ACOT13: variants seen among roughly 807,000 people sequenced by gnomAD.
ACOT13 encodes the protein acyl-coenzyme A thioesterase 13.
A neutral mutation model predicts 11.8 loss-of-function variants in ACOT13; 10 were observed. The observed-to-expected ratio is 0.85, with a 90% CI of 0.53 to 1.44. The LOEUF is 1.44. ACOT13 is among the 40% of genes most tolerant of loss of function. The pLI is 0.00. For synonymous variants in ACOT13, 53 were observed against 61.0 expected (o/e 0.87, Z 0.61); for missense variants, 172 against 174.1 (o/e 0.99, Z 0.07).
intron 2 of ACOT13, among the ~76,000 whole-genome samples, chr6:24,699,128 CA>C (rs1778848562): frequency 6.6e-6 from 1 of 150,680 alleles, no homozygotes; most frequent in Non-Finnish European, 1.5e-5. Flanking sequence ...TCCACCTAAG[CA>C]ACAAAAATGT....
chr6:24,693,978 C>A (rs1778757210), intron 1 of ACOT13, among the ~76,000 whole-genome samples: 1 of 152,126 alleles, frequency 6.6e-6, no homozygotes, highest in African/African-American at 2.4e-5. Context: ...CCTGCCTCGG[C>A]CTCCCAAAGT....
chr6:24,674,338 G>A (rs1167105886), intron 1 of ACOT13, among the ~76,000 whole-genome samples: 1 of 152,150 alleles, frequency 6.6e-6, no homozygotes, highest in Non-Finnish European at 1.5e-5. Flanking sequence ...TTGCAGGCAT[G>A]AGCCGCTGCC....
intron 1 of ACOT13, chr6:24,687,709 T>TTA (rs1189022506): frequency 1.5e-6 from 2 of 1,343,526 alleles, no homozygotes; most frequent in East Asian, 5.6e-5. Context: ...AATAGAATTT[T>TTA]TTTTTTTTTT....
rs1414720162 is a variant in ACOT13, at chr6:24,698,053, C to T, written c.252C>T (p.Val84=). 3 of 1,607,414 alleles carry T rather than the reference C, an allele frequency of 1.9e-6. No homozygotes were observed. The highest frequency in any genetic ancestry group is 1.3e-5 in the African/African-American group (1 of 74,768). The change falls in exon 2 of 3, where the codon GTC becomes GTT. Residue 84 remains valine, a synonymous_variant. Coordinates refer to ENST00000230048, the MANE Select transcript of ACOT13 (RefSeq NM_018473.4). ...CTERGAPGVS[V]DMNITYMSPA... ...AAAGGGGAGCACCCGGAGTCAGTGT[C>T]GATATGAACATAACGTATGTATCCA...
Position 24,686,497 on chromosome 6 carries a change from G to A in ACOT13, c.82-11386G>A, listed in dbSNP as rs189693889. On this transcript the variant is annotated intron_variant, in intron 1 of 2. Transcript: ENST00000230048. Reference sequence around the variant, plus strand: ...ATGTCTGAAAGCAAAGTGCAAGCAGGTGCGTCAAATGGCAAGAGAGAGGGA... The same window carrying A: ...ATGTCTGAAAGCAAAGTGCAAGCAGATGCGTCAAATGGCAAGAGAGAGGGA... Among the ~76,000 whole-genome samples, 26 of 152,132 alleles carry A rather than the reference G, an allele frequency of 1.7e-4. No individual in the cohort carries two copies. The East Asian group carries it at 4.1e-3, about 24-fold the overall frequency.
At chr6:24,698,171 C>A in intron 2 of ACOT13, 104 bp downstream of exon 2, 1 of 1,013,124 alleles carries the variant, frequency 9.9e-7, no homozygotes, top group Non-Finnish European at 1.4e-6. Context: ...ATTCAATTAG[C>A]TGCTTATCTC....
At chr6:24,684,568 C>T (rs1555088) in intron 1 of ACOT13, among the ~76,000 whole-genome samples, 116,605 of 152,082 alleles carry the variant, frequency 0.77, 45,440 homozygotes, top group African/African-American at 0.9. Context: ...TGCAGTACGG[C>T]TGAAGTGTCC....
intron 1 of ACOT13, among the ~76,000 whole-genome samples, chr6:24,697,359 C>T (rs1402381955): frequency 6.6e-6 from 1 of 151,608 alleles, no homozygotes; most frequent in Non-Finnish European, 1.5e-5. Flanking sequence ...ACAAATTAAA[C>T]CTATAATGAG....
intron 1 of ACOT13, among the ~76,000 whole-genome samples, chr6:24,673,994 C>G (rs929908082): frequency 3.3e-5 from 5 of 150,986 alleles, no homozygotes; most frequent in Non-Finnish European, 7.4e-5. Context: ...CAACATCTCT[C>G]TTATTTCCTG....
intron 1 of ACOT13, among the ~76,000 whole-genome samples, chr6:24,677,033 G>C (rs940399967): frequency 1.3e-4 from 20 of 152,206 alleles, no homozygotes; most frequent in African/African-American, 3.9e-4. Context: ...TGCATGCTGA[G>C]CACTAGTTCC....
At position 24,667,097 on chromosome 6, in the gene ACOT13, C is replaced by G. The variant is rs1000145428; in HGVS notation, c.-167C>G. 1.2e-6 allele frequency: 1 copy of G among 848,752 alleles called. No individual in the cohort carries two copies. Among genetic ancestry groups the G allele is most frequent in the African/African-American group, 1.7e-5 (1 of 58,606 alleles). 52.6% of individuals were successfully genotyped at this position (848,752 alleles called of 1,614,324 possible). On this transcript the variant is annotated 5_prime_UTR_variant, in exon 1 of 3. Coordinates refer to ENST00000230048, the MANE Select transcript of ACOT13 (RefSeq NM_018473.4). ...AAGTCAGTGAGCAAATCGCGGACCA[C>G]CGGGGCTGCCAGCTCGCCTGACTCC...
Position 24,701,599 on chromosome 6 carries a change from A to C in ACOT13, c.407A>C (p.Lys136Thr). The change falls in exon 3 of 3, where the codon AAA (lysine) becomes ACA (threonine). Residue 136 changes from lysine to threonine, a missense_variant. By Grantham distance (78) the Lys-to-Thr change is moderately conservative. Coordinates refer to ENST00000230048, the MANE Select transcript of ACOT13 (RefSeq NM_018473.4). ...GKLIAQGRHT[K>T]HLGN ...TTAATAGCACAAGGAAGACACACAA[A>C]ACACCTGGGAAACTGAGAGAACAGC... The C allele has an allele frequency of 6.2e-7, 1 of 1,611,080 alleles. No homozygotes were observed. The highest frequency in any genetic ancestry group is 8.5e-7 in the Non-Finnish European group (1 of 1,178,118).
At chr6:24,682,826 C>A (rs372010724) in intron 1 of ACOT13, among the ~76,000 whole-genome samples, 17 of 152,208 alleles carry the variant, frequency 1.1e-4, no homozygotes, top group African/African-American at 4.1e-4. Context: ...AGCTCCCACA[C>A]AAAGAGAGGG....
intron 2 of ACOT13, among the ~76,000 whole-genome samples, chr6:24,699,272 C>T (rs1261705122): frequency 7.1e-6 from 1 of 140,122 alleles, no homozygotes; most frequent in Non-Finnish European, 1.5e-5. Flanking sequence ...TGCAGTGGTG[C>T]AGTCTCGGCT....
chr6:24,697,914 T>C lies in ACOT13; in HGVS notation c.113T>C (p.Val38Ala). 6.2e-7 allele frequency: 1 copy of C among 1,611,558 alleles called. No individual in the cohort carries two copies. Among genetic ancestry groups the C allele is most frequent in the African/African-American group, 1.3e-5 (1 of 74,926 alleles). ...ITLVSAAPGK[V>A]ICEMKVEEEH... is the part of the protein sequence containing the mutation. Reference sequence around the variant, plus strand: ...CTTGTCTCTGCTGCTCCTGGGAAAGTGATTTGTGAAATGAAAGTAGAAGAA... The same window carrying C: ...CTTGTCTCTGCTGCTCCTGGGAAAGCGATTTGTGAAATGAAAGTAGAAGAA... The change falls in exon 2 of 3, where the codon GTG (valine) becomes GCG (alanine). Residue 38 changes from valine to alanine, a missense_variant. Val to Ala is a moderately conservative substitution (Grantham distance 64, BLOSUM62 0). Coordinates refer to ENST00000230048, the MANE Select transcript of ACOT13 (RefSeq NM_018473.4).
intron 1 of ACOT13, among the ~76,000 whole-genome samples, chr6:24,679,437 G>C (rs542044575): frequency 6.7e-4 from 102 of 152,324 alleles, no homozygotes; most frequent in African/African-American, 2.3e-3. Flanking sequence ...AGAGAGGTAT[G>C]CTTCCTCAAT....
intron 1 of ACOT13, among the ~76,000 whole-genome samples, chr6:24,677,131 TC>T (rs1778466940): frequency 6.6e-6 from 1 of 152,188 alleles, no homozygotes; most frequent in East Asian, 1.9e-4. Context: ...CAAAGGAACT[TC>T]CATCAGTATA....
chr6:24,696,821 G>A (rs1371275423), intron 1 of ACOT13, among the ~76,000 whole-genome samples: 1 of 151,804 alleles, frequency 6.6e-6, no homozygotes, highest in Non-Finnish European at 1.5e-5. Flanking sequence ...TGTCATCCAG[G>A]CTGGAGTGTA....
chr6:24,687,705 ATT>A (rs3033242), intron 1 of ACOT13: 44,163 of 1,226,804 alleles, frequency 0.036, 34 homozygotes, highest in African/African-American at 0.068. Context: ...TAAGAATAGA[ATT>A]TTTTTTTTTT....
Sources: gnomAD v4.1 joint callset for allele counts (sites outside exome capture counted in the v4.1 genomes callset) on GRCh38, gnomAD v4.1.1 for gene constraint, MANE v1.5 for transcripts, NCBI Gene and HGNC (gene_info 2026-07-23, HGNC 2026-07-21) for gene names.